The following ESS2 variants were observed in gnomAD, a reference collection of about 807,000 sequenced individuals.
The protein encoded by ESS2 is splicing factor ESS-2 homolog.
Under a neutral mutation model 52.0 loss-of-function variants are expected in ESS2, and 31 were observed. The observed-to-expected ratio is 0.60, with a 90% CI of 0.45 to 0.81. The LOEUF (loss-of-function observed/expected upper bound fraction) is 0.81. Among genes scored for constraint, ESS2 ranks in the 30% least tolerant of loss-of-function variants. ESS2 has a pLI of 0.00. For synonymous variants in ESS2, 285 were observed against 259.2 expected, an observed-to-expected ratio of 1.10 and a Z score of -0.95; for missense variants, 602 against 637.2, an observed-to-expected ratio of 0.94 and a Z score of 0.59.
rs1407224909 is a variant in ESS2, at chr22:19,134,485, A to G, written c.1152-10T>C. ...GCCTTTGGGGGTGAGGCTGGGGTGG[A>G]GGAATGGGTGAGAGAGGCAGGGTTA... On this transcript the variant is annotated splice_polypyrimidine_tract_variant and intron_variant, in intron 9 of 9. Coordinates refer to ENST00000252137, the MANE Select transcript of ESS2 (RefSeq NM_022719.3). The G allele has an allele frequency of 6.5e-7, 1 of 1,528,086 alleles. No individual in the cohort carries two copies. 94.7% of individuals were successfully genotyped at this position (1,528,086 alleles called of 1,614,324 possible). A position where few individuals can be genotyped will look rare whatever the true frequency, so the allele number is the denominator to read the frequency against.
rs747507631 is a variant in ESS2, at chr22:19,138,279, C to T, written c.861G>A (p.Leu287=). 1.2e-6 allele frequency: 2 copies of T among 1,613,934 alleles called. No individual in the cohort carries two copies. The highest frequency in any genetic ancestry group is 1.7e-6 in the Non-Finnish European group (2 of 1,179,920). The change falls in exon 7 of 10, where the codon CTG becomes CTA. Residue 287 remains leucine (L), a synonymous_variant. Coordinates refer to ENST00000252137, the MANE Select transcript of ESS2 (RefSeq NM_022719.3). The stretch of plus-strand genomic sequence containing the variant: ...CCACTCGAGGGGACTCCTGGGGGAT[C>T]AGCTCCTTGCCATCGGGGCCCACCT... ...QGKVGPDGKE[L]IPQESPRVGG... is the part of the protein sequence containing the mutation.
intron 1 of ESS2, 93 bp from the exon 2 acceptor site, chr22:19,142,987 A>T: frequency 7.8e-7 from 1 of 1,278,884 alleles, no homozygotes; most frequent in South Asian, 1.4e-5. Context: ...GAGGTGGATC[A>T]TGAGGTCAGA....
chr22:19,134,967 G>T, intron 9 of ESS2, 93 bp downstream of exon 9: 1 of 1,224,248 alleles, frequency 8.2e-7, no homozygotes, highest in Non-Finnish European at 1.2e-6. Flanking sequence ...ACTCTGCCGC[G>T]TGGGCCATGC....
Position 19,130,689 on chromosome 22 carries a change from C to T in ESS2, c.*3507G>A, listed in dbSNP as rs775837742. On this transcript the variant is annotated 3_prime_UTR_variant, in exon 10 of 10. Transcript: ENST00000252137. Reference sequence around the variant, plus strand: ...GGTCCTGGCACTAGGAATGTAAAACCGTTCCTATTATTTTGGCTTGCTCCA... The same window carrying T: ...GGTCCTGGCACTAGGAATGTAAAACTGTTCCTATTATTTTGGCTTGCTCCA... The T allele has an allele frequency of 2.8e-5, 6 of 213,820 alleles. No individual in the cohort carries two copies. The highest frequency in any genetic ancestry group is 3.8e-5 in the Non-Finnish European group (4 of 105,644). The allele number at this position is 213,820 out of a possible 1,614,324, so 13.2% of individuals were successfully genotyped here.
intron 3 of ESS2, among the ~76,000 whole-genome samples, chr22:19,141,726 A>G (rs531276973): frequency 9.8e-5 from 15 of 152,324 alleles, no homozygotes; most frequent in African/African-American, 3.4e-4. Context: ...GGTGGCTCAC[A>G]CCTGTAATAC....
At chr22:19,137,239 G>T (rs2083598600) in intron 8 of ESS2, 84 bp downstream of exon 8, 1 of 967,636 alleles carries the variant, frequency 1.0e-6, no homozygotes, top group Non-Finnish European at 1.5e-6. Flanking sequence ...GCCGATCCCA[G>T]TGCTCAGTCC....
intron 7 of ESS2, 66 bp downstream of exon 7, chr22:19,138,149 T>G: frequency 1.2e-6 from 2 of 1,605,434 alleles, no homozygotes; most frequent in Non-Finnish European, 1.7e-6. Flanking sequence ...CAGGGCCGAC[T>G]GAGAAGCCCA....
rs2083522428 is a variant in ESS2 at position 19,132,634 on chromosome 22, C to T, written c.*1562G>A. On this transcript the variant is annotated 3_prime_UTR_variant, in exon 10 of 10. Coordinates refer to ENST00000252137, the MANE Select transcript of ESS2 (RefSeq NM_022719.3). The surrounding 1 kb of genome is among the most constrained non-coding windows in gnomAD (Gnocchi z 4.2). Reference sequence around the variant, plus strand: ...CACTATTTTGATTACGTTCCATTAGCTTTCTTCCACTTAGCAGCAAAGACG... The same window carrying T: ...CACTATTTTGATTACGTTCCATTAGTTTTCTTCCACTTAGCAGCAAAGACG... 2.8e-6 allele frequency: 2 copies of T among 724,784 alleles called. No homozygotes were observed. The highest frequency in any genetic ancestry group is 3.6e-5 in the South Asian group (2 of 54,916). 44.9% of individuals were successfully genotyped at this position (724,784 alleles called of 1,614,324 possible). A position where few individuals can be genotyped will look rare whatever the true frequency, so the allele number is the denominator to read the frequency against.
intron 1 of ESS2, chr22:19,144,204 C>T: frequency 8.6e-7 from 1 of 1,157,944 alleles, no homozygotes; most frequent in Non-Finnish European, 1.1e-6. Flanking sequence ...AGAAAGCCCT[C>T]TTTGCCACCA....
intron 2 of ESS2, 29 bp downstream of exon 2, chr22:19,142,697 C>T: frequency 6.2e-7 from 1 of 1,610,528 alleles, no homozygotes; most frequent in Non-Finnish European, 8.5e-7. Context: ...CAGGCTTTCC[C>T]CTCTCCGCCA....
intron 3 of ESS2, among the ~76,000 whole-genome samples, chr22:19,142,144 T>C (rs1459878671): frequency 6.6e-6 from 1 of 152,086 alleles, no homozygotes; most frequent in East Asian, 1.9e-4. Context: ...TATGCAGAGA[T>C]CTACAGGAAG....
chr22:19,131,136 T>C lies in ESS2; in HGVS notation c.*3060A>G. ...AGGCTTCCTTCCAGCGGGCGGGGAG[T>C]GGGTGCTCCTGCCAGACCAGCCTGG... On this transcript the variant is annotated 3_prime_UTR_variant, in exon 10 of 10. Transcript: ENST00000252137. The surrounding 1 kb of genome is among the most constrained non-coding windows in gnomAD (Gnocchi z 5.7). 2.4e-6 allele frequency: 1 copy of C among 419,502 alleles called. No homozygotes were observed. Among genetic ancestry groups the C allele is most frequent in the Non-Finnish European group, 4.3e-6 (1 of 233,992 alleles). The allele number at this position is 419,502 out of a possible 1,614,324, so 26.0% of individuals were successfully genotyped here.
chr22:19,144,411 G>A (rs2083748680), intron 1 of ESS2, 95 bp downstream of exon 1: 1 of 1,581,830 alleles, frequency 6.3e-7, no homozygotes, highest in Non-Finnish European at 8.6e-7. Flanking sequence ...CTTCCACGAG[G>A]AGACGGAGTG....
Position 19,137,388 on chromosome 22 carries a change from T to C in ESS2, c.970A>G (p.Thr324Ala), listed in dbSNP as rs748705227. Residue 324 changes from threonine to alanine, a missense_variant, in exon 8 of 10, where the codon ACA becomes GCA. Thr to Ala is a moderately conservative substitution (Grantham distance 58). Transcript: ENST00000252137. ...PMMTWGEVEN[T>A]PLRVEGSETP... is the part of the protein sequence containing the mutation. ...TCCGACCCTTCAACTCTCAAGGGTG[T>C]GTTCTCAACCTCCCCCCAGGTCATC... 6.2e-7 allele frequency: 1 copy of C among 1,613,748 alleles called. No homozygotes were observed. The highest frequency in any genetic ancestry group is 1.1e-5 in the South Asian group (1 of 91,058).
chr22:19,137,902 T>C (rs556935980), intron 7 of ESS2: 2 of 985,368 alleles, frequency 2.0e-6, no homozygotes, highest in Admixed American at 6.1e-5. Flanking sequence ...CCTGCAGTGC[T>C]AGGTAGACTT....
chr22:19,141,533 G>A (rs2083686523), intron 3 of ESS2, among the ~76,000 whole-genome samples: 1 of 152,238 alleles, frequency 6.6e-6, no homozygotes, highest in East Asian at 1.9e-4. Flanking sequence ...TGCTGAAGAT[G>A]ACAACTCTTT....
intron 7 of ESS2, 103 bp downstream of exon 7, chr22:19,138,112 G>A (rs1306768847): frequency 2.6e-6 from 4 of 1,563,908 alleles, no homozygotes; most frequent in East Asian, 4.7e-5. Context: ...AAGGTGTGGG[G>A]CAGGCCAGGT....
chr22:19,131,147 G>A lies in ESS2; in HGVS notation c.*3049C>T. ...CAGCGGGCGGGGAGTGGGTGCTCCT[G>A]CCAGACCAGCCTGGCTTCCACGGTT... On this transcript the variant is annotated 3_prime_UTR_variant, in exon 10 of 10. Coordinates refer to ENST00000252137, the MANE Select transcript of ESS2 (RefSeq NM_022719.3). The surrounding 1 kb of genome is among the most constrained non-coding windows in gnomAD (Gnocchi z 5.7). 1 of 468,532 alleles carries A rather than the reference G, an allele frequency of 2.1e-6. No individual in the cohort carries two copies. The highest frequency in any genetic ancestry group is 3.8e-6 in the Non-Finnish European group (1 of 262,836). 29.0% of individuals were successfully genotyped at this position (468,532 alleles called of 1,614,324 possible).
intron 3 of ESS2, among the ~76,000 whole-genome samples, 183 bp downstream of exon 3, chr22:19,142,355 G>A (rs2083701346): frequency 6.6e-6 from 1 of 152,226 alleles, no homozygotes; most frequent in Non-Finnish European, 1.5e-5. Context: ...ATGTGTGGGA[G>A]CTGGACCCAG....
Sources: gnomAD v4.1 joint callset for allele counts (sites outside exome capture counted in the v4.1 genomes callset) on GRCh38, gnomAD v4.1.1 for gene constraint, Gnocchi (gnomAD v3.1) non-coding constraint, MANE v1.5 for transcripts, NCBI Gene and HGNC (gene_info 2026-07-23, HGNC 2026-07-21) for gene names.